TIPARP: variants seen among roughly 807,000 people sequenced by gnomAD.
TIPARP encodes TCDD inducible poly(ADP-ribose) polymerase.
A neutral mutation model predicts 56.5 loss-of-function variants in TIPARP; 12 were observed. The ratio of observed to expected loss-of-function variants is 0.21; its 90% CI spans 0.14 to 0.34. The LOEUF is 0.34. Ranked by LOEUF, TIPARP falls within the 10% of genes least tolerant of loss-of-function variation. TIPARP has a pLI of 1.00. For synonymous variants in TIPARP, 296 were observed against 265.7 expected (o/e 1.11, Z -1.11); for missense variants, 604 against 781.6 (o/e 0.77, Z 2.71).
rs900988206 is a variant in TIPARP, at chr3:156,674,706, G to A, written c.-132G>A. The A allele has an allele frequency of 2.6e-5, 4 of 152,538 alleles. No homozygotes were observed. The highest frequency in any genetic ancestry group is 7.2e-5 in the African/African-American group (3 of 41,466). The allele number at this position is 152,538 out of a possible 1,614,324, so 9.4% of individuals were successfully genotyped here. On this transcript the variant is annotated 5_prime_UTR_variant, in exon 1 of 6. It removes the in-frame stop codon of an upstream open reading frame in the 5' UTR. Coordinates refer to ENST00000295924, the MANE Select transcript of TIPARP (RefSeq NM_015508.5). ...CCGCGTCGCGGCTCTGTGGTCCCTA[G>A]ACGTCGGCTCCCGCCCTCGGCGCTG...
intron 4 of TIPARP, 55 bp downstream of exon 4, chr3:156,696,080 C>G: frequency 6.5e-7 from 1 of 1,547,874 alleles, no homozygotes; most frequent in Non-Finnish European, 8.7e-7. Context: ...TAAATGCATT[C>G]CTGAATACTA....
At chr3:156,695,097 C>T (rs902019427) in intron 3 of TIPARP, among the ~76,000 whole-genome samples, 8 of 152,086 alleles carry the variant, frequency 5.3e-5, no homozygotes, top group African/African-American at 1.4e-4. Context: ...GAATACAAGG[C>T]TGTTTAAAAT....
In TIPARP at chr3:156,677,803, T is replaced by C; in HGVS notation, c.106T>C (p.Leu36=). ...QMRLSEKITP[L]KTCFKKKDQK... Reference sequence around the variant, plus strand: ...GAGACTCTCTGAGAAGATCACTCCATTGAAGACTTGTTTTAAGAAAAAGGA... The same window carrying C: ...GAGACTCTCTGAGAAGATCACTCCACTGAAGACTTGTTTTAAGAAAAAGGA... The change falls in exon 2 of 6, where the codon TTG becomes CTG. Residue 36 remains leucine, a synonymous_variant. Coordinates refer to ENST00000295924, the MANE Select transcript of TIPARP (RefSeq NM_015508.5). 5.0e-6 allele frequency: 8 copies of C among 1,614,178 alleles called. No individual in the cohort carries two copies. The highest frequency in any genetic ancestry group is 6.8e-6 in the Non-Finnish European group (8 of 1,180,024).
chr3:156,676,275 A>G (rs1248421195), intron 1 of TIPARP, among the ~76,000 whole-genome samples: 1 of 151,436 alleles, frequency 6.6e-6, no homozygotes, highest in African/African-American at 2.4e-5. Flanking sequence ...CTTACAGTGA[A>G]CTCTCCTTTT....
At position 156,704,905 on chromosome 3, in the gene TIPARP, T is replaced by A. The variant is rs752819159; in HGVS notation, c.1748T>A (p.Val583Asp). The change falls in exon 6 of 6, where the codon GTC (valine) becomes GAC (aspartate). Residue 583 changes from valine to aspartate, a missense_variant. This residue lies in a region of TIPARP where 77 missense variants were observed against 161.0 expected (regional missense o/e 0.48). Coordinates refer to ENST00000295924, the MANE Select transcript of TIPARP (RefSeq NM_015508.5). ...TTTTCTAAGAAGTCCTCCAAAGGAG[T>A]CCACTTCATGTTTCTGGCCAAAGTG... ...HNFSKKSSKGVHFMFLAKVLT... is the reference protein window; with the variant it reads ...HNFSKKSSKGDHFMFLAKVLT... The A allele has an allele frequency of 5.0e-6, 8 of 1,614,086 alleles. No individual in the cohort carries two copies. The Middle Eastern group carries it at 6.6e-4, about 133-fold the overall frequency.
chr3:156,692,338 CTTT>C (rs1445287070), intron 2 of TIPARP, among the ~76,000 whole-genome samples: 1 of 151,974 alleles, frequency 6.6e-6, no homozygotes, highest in Non-Finnish European at 1.5e-5. Context: ...GTTTACAGGA[CTTT>C]TTTTGTTTTT....
At chr3:156,686,914 A>T (rs1402714719) in intron 2 of TIPARP, among the ~76,000 whole-genome samples, 2 of 152,130 alleles carry the variant, frequency 1.3e-5, no homozygotes, top group Non-Finnish European at 2.9e-5. Context: ...AAGGGATGTC[A>T]AAGTCTATAT....
chr3:156,687,641 T>G (rs1722464066), intron 2 of TIPARP, among the ~76,000 whole-genome samples: 1 of 151,822 alleles, frequency 6.6e-6, no homozygotes, highest in African/African-American at 2.4e-5. Flanking sequence ...TAAACTGTGT[T>G]ATGTTTGTTT....
Position 156,705,146 on chromosome 3 carries a change from G to A in TIPARP, c.*15G>A, listed in dbSNP as rs1722949083. The stretch of plus-strand genomic sequence containing the variant: ...TTTCCATTTGAAAAATCTTGGTACT[G>A]CTAAATTATTTGATATGAACTCAAT... On this transcript the variant is annotated 3_prime_UTR_variant, in exon 6 of 6. Coordinates refer to ENST00000295924, the MANE Select transcript of TIPARP (RefSeq NM_015508.5). 1.4e-6 allele frequency: 2 copies of A among 1,468,198 alleles called. No individual in the cohort carries two copies. Among genetic ancestry groups the A allele is most frequent in the South Asian group, 2.5e-5 (2 of 79,474 alleles). 90.9% of individuals were successfully genotyped at this position (1,468,198 alleles called of 1,614,324 possible).
At chr3:156,699,218 A>T (rs1029544129) in intron 4 of TIPARP, among the ~76,000 whole-genome samples, 4 of 152,252 alleles carry the variant, frequency 2.6e-5, no homozygotes, top group African/African-American at 9.6e-5. Context: ...AACTTAGTTG[A>T]TAAAGCAACA....
rs1189500859 is a variant in TIPARP, at chr3:156,678,278, T to C, written c.581T>C (p.Phe194Ser). 6.2e-7 allele frequency: 1 copy of C among 1,614,182 alleles called. No homozygotes were observed. The part of the protein sequence containing the change: ...YVPGIFQENS[F>S]TIQYILDTSD... ...CCAGGCATTTTCCAAGAAAACAGTT[T>C]TACAATCCAATACATTCTGGACACC... Residue 194 changes from phenylalanine (F) to serine (S), a missense_variant, in exon 2 of 6, where the codon TTT (phenylalanine) becomes TCT (serine). By Grantham distance (155) the Phe-to-Ser change is radical (BLOSUM62 -2). This residue lies in a region of TIPARP where 261 missense variants were observed against 279.2 expected (regional missense o/e 0.93). Transcript: ENST00000295924.
chr3:156,693,972 A>T, intron 2 of TIPARP, 48 bp from the exon 3 acceptor site: 1 of 1,539,174 alleles, frequency 6.5e-7, no homozygotes, highest in Non-Finnish European at 8.7e-7. Flanking sequence ...CTGTTTTACA[A>T]ATTTATTAAC....
At chr3:156,693,877 T>C in intron 2 of TIPARP, 143 bp from the exon 3 acceptor site, 1 of 971,020 alleles carries the variant, frequency 1.0e-6, no homozygotes, top group South Asian at 1.9e-5. Flanking sequence ...TAAATATGCT[T>C]TTACTCCAAG....
intron 1 of TIPARP, chr3:156,675,464 G>GGGC (rs1722097666): frequency 6.6e-6 from 1 of 152,546 alleles, no homozygotes; most frequent in Admixed American, 6.5e-5. Flanking sequence ...AGGGAGGCCG[G>GGGC]GGCGGGTCGT....
At chr3:156,695,649 G>A (rs1182914938) in intron 3 of TIPARP, among the ~76,000 whole-genome samples, 2 of 151,946 alleles carry the variant, frequency 1.3e-5, no homozygotes, top group Admixed American at 6.6e-5. Flanking sequence ...GTTTTGTAAG[G>A]TGGAAATCCA....
At position 156,703,685 on chromosome 3, in the gene TIPARP, T is replaced by C. The variant is rs759475535; in HGVS notation, c.1509T>C (p.Leu503=). 13 of 1,611,608 alleles carry C rather than the reference T, an allele frequency of 8.1e-6. No homozygotes were observed. The highest frequency in any genetic ancestry group is 1.1e-5 in the Non-Finnish European group (13 of 1,179,590). Residue 503 remains leucine (L), a synonymous_variant, in exon 5 of 6, where the codon CTT becomes CTC. Transcript: ENST00000295924. ...LQILRVQNQF[L]WEKYKRKKEY... is the part of the protein sequence containing the mutation. ...TATTGAGAGTCCAAAACCAGTTTCTTTGGGAGAAATATAAAAGGTGAGTCA... is the reference window on the plus strand; with the variant it reads ...TATTGAGAGTCCAAAACCAGTTTCTCTGGGAGAAATATAAAAGGTGAGTCA...
chr3:156,702,064 TGG>T (rs1722859909), intron 4 of TIPARP, among the ~76,000 whole-genome samples: 21 of 129,918 alleles, frequency 1.6e-4, no homozygotes, highest in South Asian at 4.8e-4. Flanking sequence ...GTGGTGGTGG[TGG>T]TGGTGGTTGT....
chr3:156,697,971 A>G (rs982062927), intron 4 of TIPARP, among the ~76,000 whole-genome samples: 2 of 152,210 alleles, frequency 1.3e-5, no homozygotes, highest in Non-Finnish European at 2.9e-5. Context: ...TCTTGAAGGA[A>G]ATTAAAAGTG....
chr3:156,683,248 T>TA (rs1205878998), intron 2 of TIPARP, among the ~76,000 whole-genome samples: 1 of 152,132 alleles, frequency 6.6e-6, no homozygotes. Flanking sequence ...GCATGATACA[T>TA]TATATATTTT....
Sources: allele counts gnomAD v4.1 joint callset (sites outside exome capture counted in the v4.1 genomes callset), GRCh38; gene constraint gnomAD v4.1.1; regional missense constraint gnomAD v4.1.1; transcripts MANE v1.5; gene names NCBI Gene and HGNC (gene_info 2026-07-23, HGNC 2026-07-21).